Variants in FBXO41 observed in about 807,000 individuals in gnomAD.
The protein encoded by FBXO41 is F-box only protein 41.
In FBXO41, 33 loss-of-function variants were observed where a neutral mutation model predicts 81.6. That is an observed-to-expected ratio of 0.40 (90% CI 0.31 to 0.54). FBXO41 has a LOEUF of 0.54. FBXO41 is among the 20% of genes least tolerant of loss of function. The probability of loss-of-function intolerance (pLI) is 0.39; values close to 1 mark genes in which losing one functional copy is unlikely to be tolerated. For synonymous variants in FBXO41, 576 were observed against 552.7 expected (o/e 1.04, Z -0.59); for missense variants, 1,107 against 1,236.0 (o/e 0.90, Z 1.56).
Position 73,263,924 on chromosome 2 carries a change from A to G in FBXO41, c.1922+14T>C. On this transcript the variant is annotated intron_variant, in intron 7 of 12. Coordinates refer to ENST00000520530, the MANE Select transcript of FBXO41 (RefSeq NM_001371389.2). ...GCCCAACAGCACCCACCACCCACCC[A>G]TCGCAGGCCTCACCGGGTGCTCCGG... 6.2e-7 allele frequency: 1 copy of G among 1,612,786 alleles called. No individual in the cohort carries two copies.
At chr2:73,263,344 G>C in intron 8 of FBXO41, 36 bp from the exon 9 acceptor site, 1 of 1,459,044 alleles carries the variant, frequency 6.9e-7, no homozygotes, top group Non-Finnish European at 9.1e-7. Context: ...AGGCAGCAGG[G>C]TGGCTTATAC....
In FBXO41 at chr2:73,277,209, C is replaced by T. The variant is rs544608482; in HGVS notation, c.-139+6951G>A. ...GTCCAGGTGCCTCTTCACCCCAGGCCAGCCCTCCTCCACAGTTGCCCTCCA... is the reference window on the plus strand; with the variant it reads ...GTCCAGGTGCCTCTTCACCCCAGGCTAGCCCTCCTCCACAGTTGCCCTCCA... On this transcript the variant is annotated intron_variant, in intron 1 of 12. Transcript: ENST00000520530. Among the ~76,000 whole-genome samples, 242 of 152,328 alleles carry T rather than the reference C, an allele frequency of 1.6e-3. 1 individual carries two copies. Among genetic ancestry groups the T allele is most frequent in the African/African-American group, 5.7e-3 (238 of 41,574 alleles).
intron 4 of FBXO41, 85 bp downstream of exon 4, chr2:73,265,808 G>A: frequency 2.7e-6 from 4 of 1,494,800 alleles, no homozygotes; most frequent in South Asian, 1.2e-5. Context: ...GTAGGGGCAG[G>A]AGGGTGACAC....
In FBXO41 at chr2:73,278,383, T is replaced by G. The variant is rs147945800; in HGVS notation, c.-139+5777A>C. On this transcript the variant is annotated intron_variant, in intron 1 of 12. Transcript: ENST00000520530. ...GTCCCTTGCAATCAAGTGTCCTAAC[T>G]AATAGTCTCCCAAATCTGCATTTCT... Among the ~76,000 whole-genome samples the G allele has an allele frequency of 7.7e-3, 1,172 of 152,360 alleles. 15 individuals are homozygous for G. The highest frequency in any genetic ancestry group is 0.025 in the African/African-American group (1,045 of 41,578).
chr2:73,267,889 T>C (rs1688325203), intron 2 of FBXO41, among the ~76,000 whole-genome samples: 2 of 152,234 alleles, frequency 1.3e-5, no homozygotes, highest in Non-Finnish European at 2.9e-5. Context: ...TGGTTGTACA[T>C]ACTGTTTTTC....
chr2:73,274,541 C>T (rs1203280755), intron 1 of FBXO41, among the ~76,000 whole-genome samples: 1 of 152,140 alleles, frequency 6.6e-6, no homozygotes, highest in Non-Finnish European at 1.5e-5. Context: ...GGAAATCTCT[C>T]CCTACCCAGA....
In FBXO41 at chr2:73,269,152, C is replaced by T. The variant is rs866645367; in HGVS notation, c.479G>A (p.Arg160His). The T allele has an allele frequency of 6.6e-6, 10 of 1,522,806 alleles. No individual in the cohort carries two copies. Among genetic ancestry groups the T allele is most frequent in the Non-Finnish European group, 6.1e-6 (7 of 1,140,966 alleles). The allele number at this position is 1,522,806 out of a possible 1,614,324, so 94.3% of individuals were successfully genotyped here. A position where few individuals can be genotyped will look rare whatever the true frequency, so the allele number is the denominator to read the frequency against. Residue 160 changes from arginine to histidine, a missense_variant, in exon 2 of 13, where the codon CGC (arginine) becomes CAC (histidine). Transcript: ENST00000520530. This position sits in a 1 kb window ranked among gnomAD's most constrained non-coding sequence, Gnocchi z 7.0. ...IEIPLGELFARKSVASSACST... is the reference protein window; with the variant it reads ...IEIPLGELFAHKSVASSACST... Reference sequence around the variant, plus strand: ...GCACGCCGAGGACGCCACGGACTTGCGGGCGAACAGCTCCCCCAGCGGGAT... The same window carrying T: ...GCACGCCGAGGACGCCACGGACTTGTGGGCGAACAGCTCCCCCAGCGGGAT...
intron 1 of FBXO41, among the ~76,000 whole-genome samples, chr2:73,281,917 C>T (rs1574394880): frequency 1.3e-5 from 2 of 152,372 alleles, no homozygotes; most frequent in African/African-American, 4.8e-5. Context: ...TTGGTCTCCA[C>T]ATTGTGTTCC....
Position 73,258,879 on chromosome 2 carries a change from ACACTCGG to A in FBXO41, c.*96_*102del. On this transcript the variant is annotated 3_prime_UTR_variant, in exon 13 of 13. Transcript: ENST00000520530. ...AGTCCCCCTCCAGAAGCCAGGGATAACACTCGGCCTCCAAAGGTCTAGTCCAAACCAG... is the reference window on the plus strand; with the variant it reads ...AGTCCCCCTCCAGAAGCCAGGGATAACCTCCAAAGGTCTAGTCCAAACCAG... 1 of 1,259,188 alleles carries A rather than the reference ACACTCGG, an allele frequency of 7.9e-7. No homozygotes were observed. The highest frequency in any genetic ancestry group is 1.5e-5 in the South Asian group (1 of 65,862). The allele number at this position is 1,259,188 out of a possible 1,614,324, so 78.0% of individuals were successfully genotyped here.
chr2:73,274,904 G>A lies in FBXO41; in HGVS notation c.-138-5136C>T, dbSNP rs13422895. Among the ~76,000 whole-genome samples, 1,070 of 149,520 alleles carry A rather than the reference G, an allele frequency of 7.2e-3. 14 individuals carry two copies. Among genetic ancestry groups the A allele is most frequent in the African/African-American group, 0.025 (1,012 of 40,434 alleles). On this transcript the variant is annotated intron_variant, in intron 1 of 12. Coordinates refer to ENST00000520530, the MANE Select transcript of FBXO41 (RefSeq NM_001371389.2). ...TTTTTTTCTTTTTTTTTTTGGAAACGGAGTATCGCTCTGTCGCCCAGGCTG... is the reference window on the plus strand; with the variant it reads ...TTTTTTTCTTTTTTTTTTTGGAAACAGAGTATCGCTCTGTCGCCCAGGCTG...
At chr2:73,283,670 C>CA (rs1688912177) in intron 1 of FBXO41, among the ~76,000 whole-genome samples, 1 of 152,230 alleles carries the variant, frequency 6.6e-6, no homozygotes, top group Non-Finnish European at 1.5e-5. Flanking sequence ...TGTGAAGAGA[C>CA]AGACACATGC....
chr2:73,268,815 G>C lies in FBXO41; in HGVS notation c.816C>G (p.Leu272=), dbSNP rs1688373853. The stretch of plus-strand genomic sequence containing the variant: ...CTACGCTCACGTCCACCTGGCGGGA[G>C]AGCTCAGACGCGCGCTCCTCCAGCT... ...KEELEERASE[L]SRQVDVSVEL... Residue 272 remains leucine, a synonymous_variant, in exon 2 of 13, where the codon CTC becomes CTG. Coordinates refer to ENST00000520530, the MANE Select transcript of FBXO41 (RefSeq NM_001371389.2). 1 of 1,578,786 alleles carries C rather than the reference G, an allele frequency of 6.3e-7. No homozygotes were observed.
At position 73,269,204 on chromosome 2, in the gene FBXO41, C is replaced by G; in HGVS notation, c.427G>C (p.Ala143Pro). 6.6e-7 allele frequency: 1 copy of G among 1,525,492 alleles called. No homozygotes were observed. The highest frequency in any genetic ancestry group is 8.8e-7 in the Non-Finnish European group (1 of 1,138,506). 94.5% of individuals were successfully genotyped at this position (1,525,492 alleles called of 1,614,324 possible). ...AEPGLVPAAA[A>P]RYALREIEIP... ...TCGATCTCGCGCAGCGCATAGCGCG[C>G]TGCTGCGGCGGGCACAAGGCCCGGC... Residue 143 changes from alanine (A) to proline (P), a missense_variant, in exon 2 of 13, where the codon GCG becomes CCG. This residue lies in a region of FBXO41 where 771 missense variants were observed against 789.2 expected (regional missense o/e 0.98). Coordinates refer to ENST00000520530, the MANE Select transcript of FBXO41 (RefSeq NM_001371389.2). This position sits in a 1 kb window ranked among gnomAD's most constrained non-coding sequence, Gnocchi z 7.0.
chr2:73,268,864 G>T lies in FBXO41; in HGVS notation c.767C>A (p.Ala256Glu), dbSNP rs572460859. The change falls in exon 2 of 13, where the codon GCG becomes GAG. Residue 256 changes from alanine to glutamate, a missense_variant. Transcript: ENST00000520530. The stretch of plus-strand genomic sequence containing the variant: ...CTCCTCCTTCTCGCGCCCGAGCCTC[G>T]CACTCTCCTGCCGCGCAGTCTCCAG... ...AELETARQES[A>E]RLGREKEELE... 4.5e-6 allele frequency: 7 copies of T among 1,564,020 alleles called. No individual in the cohort carries two copies. Among genetic ancestry groups the T allele is most frequent in the African/African-American group, 4.1e-5 (3 of 73,598 alleles).
At chr2:73,264,971 G>A (rs1202592255) in intron 5 of FBXO41, among the ~76,000 whole-genome samples, 3 of 152,090 alleles carry the variant, frequency 2.0e-5, no homozygotes, top group African/African-American at 4.8e-5. Context: ...ATACGGTGGG[G>A]GGCCTCTCCC....
At chr2:73,279,053 G>A (rs1688777005) in intron 1 of FBXO41, among the ~76,000 whole-genome samples, 1 of 152,202 alleles carries the variant, frequency 6.6e-6, no homozygotes. Context: ...AACACCGGAA[G>A]TGGAAACTAT....
At position 73,266,593 on chromosome 2, in the gene FBXO41, A is replaced by T; in HGVS notation, c.995T>A (p.Leu332His). ...KLRLQQFIEELLERADRAERQ... is the reference protein window; with the variant it reads ...KLRLQQFIEEHLERADRAERQ... ...CTCGGCACGGTCAGCCCGCTCAAGG[A>T]GCTCCTCAATGAACTGCTGCAGCCG... Residue 332 changes from leucine to histidine, a missense_variant, in exon 3 of 13, where the codon CTC becomes CAC. Transcript: ENST00000520530. This position sits in a 1 kb window ranked among gnomAD's most constrained non-coding sequence, Gnocchi z 5.3. The T allele has an allele frequency of 1.2e-6, 2 of 1,611,352 alleles. No homozygotes were observed. Among genetic ancestry groups the T allele is most frequent in the Non-Finnish European group, 1.7e-6 (2 of 1,179,108 alleles).
In FBXO41 at chr2:73,263,860, G is replaced by A. The variant is rs768307432; in HGVS notation, c.1923-30C>T. ...GGATGACCAAGAGGTCAGAGAGCTG[G>A]CAACCTCCTCCTCTGGGAAACTTAA... is the stretch of plus-strand genomic sequence containing the variant. On this transcript the variant is annotated intron_variant, in intron 7 of 12. Transcript: ENST00000520530. 3 of 1,614,036 alleles carry A rather than the reference G, an allele frequency of 1.9e-6. No homozygotes were observed. The South Asian group carries it at 3.3e-5, about 18-fold the overall frequency.
chr2:73,270,399 C>A (rs1688456848), intron 1 of FBXO41, among the ~76,000 whole-genome samples: 1 of 152,254 alleles, frequency 6.6e-6, no homozygotes, highest in East Asian at 1.9e-4. Context: ...GTGTAAAAAT[C>A]CTTGGAAAGA....
Sources: allele counts gnomAD v4.1 joint callset (sites outside exome capture counted in the v4.1 genomes callset), GRCh38; gene constraint gnomAD v4.1.1; regional missense constraint gnomAD v4.1.1; non-coding constraint Gnocchi (gnomAD v3.1); transcripts MANE v1.5; gene names NCBI Gene and HGNC (gene_info 2026-07-23, HGNC 2026-07-21).